The following FHIT variants were observed in gnomAD, a reference collection of about 807,000 sequenced individuals.
FHIT encodes the protein bis(5'-adenosyl)-triphosphatase.
Under a neutral mutation model 17.9 loss-of-function variants are expected in FHIT, and 19 were observed. The observed-to-expected ratio is 1.06, with a 90% CI of 0.74 to 1.56. The LOEUF is 1.56. Among genes scored for constraint, FHIT ranks in the 40% most tolerant of loss-of-function variants. FHIT has a pLI of 0.00. For synonymous variants in FHIT, 81 were observed against 69.7 expected (o/e 1.16, Z -0.81); for missense variants, 248 against 189.2 (o/e 1.31, Z -1.82).
intron 3 of FHIT, among the ~76,000 whole-genome samples, chr3:60,993,319 G>A (rs905685299): frequency 4.6e-5 from 7 of 152,158 alleles, no homozygotes; most frequent in African/African-American, 1.4e-4. Flanking sequence ...CTAGCGCATC[G>A]AACAAGCTTT....
intron 3 of FHIT, among the ~76,000 whole-genome samples, chr3:60,930,443 G>C (rs2107361913): frequency 6.6e-6 from 1 of 152,220 alleles, no homozygotes; most frequent in African/African-American, 2.4e-5. Context: ...TACAGAATGG[G>C]AGAAAATTTT....
intron 4 of FHIT, among the ~76,000 whole-genome samples, chr3:60,706,250 G>C (rs28449422): frequency 3.1e-4 from 43 of 140,340 alleles, no homozygotes; most frequent in African/African-American, 9.8e-4. Context: ...TTGGGGGTTT[G>C]GGGGGCAAGG....
At chr3:61,020,743 A>G (rs774499203) in intron 3 of FHIT, among the ~76,000 whole-genome samples, 1 of 152,172 alleles carries the variant, frequency 6.6e-6, no homozygotes, top group Non-Finnish European at 1.5e-5. Context: ...ATAAACAGTC[A>G]TGACCCGTGG....
chr3:60,230,775 A>T (rs1704457333), intron 5 of FHIT, among the ~76,000 whole-genome samples: 2 of 152,222 alleles, frequency 1.3e-5, no homozygotes, highest in African/African-American at 4.8e-5. Flanking sequence ...CAGTGGCATG[A>T]TCTTGGCTGA....
At chr3:60,599,632 G>A (rs2038378599) in intron 4 of FHIT, among the ~76,000 whole-genome samples, 1 of 144,398 alleles carries the variant, frequency 6.9e-6, no homozygotes, top group Non-Finnish European at 1.5e-5. Flanking sequence ...ACAACAGTAA[G>A]ACAATATCAC....
At chr3:60,298,992 A>G (rs556805019) in intron 5 of FHIT, among the ~76,000 whole-genome samples, 1 of 152,216 alleles carries the variant, frequency 6.6e-6, no homozygotes, top group Admixed American at 6.5e-5. Flanking sequence ...AGCAATCCAT[A>G]ACCAATCAAA....
At position 60,080,373 on chromosome 3, in the gene FHIT, C is replaced by G. The variant is rs148976014; in HGVS notation, c.104-66221G>C. On this transcript the variant is annotated intron_variant, in intron 5 of 9. Coordinates refer to ENST00000492590, the MANE Select transcript of FHIT (RefSeq NM_002012.4). ...GATTTAATAGAAATAGCTTTCAAAT[C>G]AGGAGTCTAGCCATCAACCAGTTTT... Among the ~76,000 whole-genome samples, 11 of 152,212 alleles carry G rather than the reference C, an allele frequency of 7.2e-5. No individual in the cohort carries two copies. The East Asian group carries it at 1.4e-3, about 19-fold the overall frequency.
intron 7 of FHIT, among the ~76,000 whole-genome samples, chr3:59,969,213 G>T (rs1268466056): frequency 6.6e-6 from 1 of 152,116 alleles, no homozygotes; most frequent in Non-Finnish European, 1.5e-5. Flanking sequence ...TTACTGTGTT[G>T]CTTAAGAATG....
At chr3:60,402,075 T>C (rs1055021302) in intron 5 of FHIT, among the ~76,000 whole-genome samples, 1 of 152,142 alleles carries the variant, frequency 6.6e-6, no homozygotes, top group Non-Finnish European at 1.5e-5. Context: ...GGGCTATTGT[T>C]TCCCCCATCC....
At position 60,111,025 on chromosome 3, in the gene FHIT, T is replaced by C. The variant is rs936612904; in HGVS notation, c.104-96873A>G. 3.9e-5 allele frequency among the ~76,000 whole-genome samples: 6 copies of C among 152,204 alleles called. No homozygotes were observed. In the South Asian group the frequency reaches 8.3e-4, roughly 21 times the overall value. On this transcript the variant is annotated intron_variant, in intron 5 of 9. Transcript: ENST00000492590. ...AATGACGTGGGTCAGAAGTAACTCA[T>C]ACATCCATATTGTCAGAGGTGAACT...
intron 4 of FHIT, among the ~76,000 whole-genome samples, chr3:60,613,931 T>A (rs541932038): frequency 6.6e-6 from 1 of 151,746 alleles, no homozygotes; most frequent in South Asian, 2.1e-4. Flanking sequence ...GTGAAAAGAG[T>A]ATATCAGCTC....
chr3:60,190,155 AAAC>A (rs1312181935), intron 5 of FHIT, among the ~76,000 whole-genome samples: 1 of 152,208 alleles, frequency 6.6e-6, no homozygotes, highest in East Asian at 1.9e-4. Context: ...ACAGACCTGC[AAAC>A]AACATTTGGA....
At chr3:59,933,968 G>A (rs1294203215) in intron 7 of FHIT, among the ~76,000 whole-genome samples, 1 of 152,058 alleles carries the variant, frequency 6.6e-6, no homozygotes, top group African/African-American at 2.4e-5. Flanking sequence ...GTAGAGCTCT[G>A]GGAGGGAAAA....
At chr3:60,203,181 G>C (rs1041884113) in intron 5 of FHIT, among the ~76,000 whole-genome samples, 21 of 152,068 alleles carry the variant, frequency 1.4e-4, no homozygotes, top group African/African-American at 4.8e-4. Context: ...AAGTGTGTGT[G>C]AGTCTTTGCA....
At chr3:59,987,128 T>G (rs1709017300) in intron 7 of FHIT, among the ~76,000 whole-genome samples, 1 of 144,050 alleles carries the variant, frequency 6.9e-6, no homozygotes, top group South Asian at 2.1e-4. Context: ...TATATAGATA[T>G]AAAATATATA....
chr3:60,273,761 C>T (rs1706983138), intron 5 of FHIT, among the ~76,000 whole-genome samples: 1 of 152,132 alleles, frequency 6.6e-6, no homozygotes, highest in African/African-American at 2.4e-5. Flanking sequence ...AAGCTTGTTT[C>T]TTTAACGTGA....
At chr3:61,135,016 G>C (rs1055041131) in intron 2 of FHIT, among the ~76,000 whole-genome samples, 2 of 152,096 alleles carry the variant, frequency 1.3e-5, no homozygotes, top group Admixed American at 1.3e-4. Flanking sequence ...GAAAAGTAGG[G>C]GCTAGAGGTG....
intron 8 of FHIT, among the ~76,000 whole-genome samples, chr3:59,858,416 C>A (rs183675144): frequency 1.3e-5 from 2 of 151,670 alleles, no homozygotes; most frequent in African/African-American, 2.4e-5. Context: ...TTAGTATAGA[C>A]GGGGTTTCAC....
intron 5 of FHIT, among the ~76,000 whole-genome samples, chr3:60,286,943 A>G (rs1707756139): frequency 6.6e-6 from 1 of 152,170 alleles, no homozygotes; most frequent in African/African-American, 2.4e-5. Flanking sequence ...ATATCTACAG[A>G]GCAGAGAAGG....
Sources: gnomAD v4.1 joint callset for allele counts (sites outside exome capture counted in the v4.1 genomes callset) on GRCh38, gnomAD v4.1.1 for gene constraint, MANE v1.5 for transcripts, NCBI Gene and HGNC (gene_info 2026-07-23, HGNC 2026-07-21) for gene names.